MAP3K19: variants seen among roughly 807,000 people sequenced by gnomAD.
The protein encoded by MAP3K19 is mitogen-activated protein kinase kinase kinase 19, also known as SPS1/STE20-related protein kinase YSK4.
In MAP3K19, 91 loss-of-function variants were observed where a neutral mutation model predicts 114.4. That is an observed-to-expected ratio of 0.80 (90% CI 0.67 to 0.95). The LOEUF (loss-of-function observed/expected upper bound fraction) is 0.95, where lower values mean the gene tolerates loss of function less well. Among genes scored for constraint, MAP3K19 ranks in the 40% least tolerant of loss-of-function variants. The pLI is 0.00. For missense variants in MAP3K19, 1,471 were observed against 1,573.2 expected, an observed-to-expected ratio of 0.94 and a Z score of 1.10; for synonymous variants, 518 against 530.5, an observed-to-expected ratio of 0.98 and a Z score of 0.32.
intron 12 of MAP3K19, among the ~76,000 whole-genome samples, chr2:134,974,662 A>T (rs1219324686): frequency 2.0e-5 from 3 of 152,168 alleles, no homozygotes; most frequent in African/African-American, 7.2e-5. Context: ...ATAGTTTCCT[A>T]CATGTCATGT....
At chr2:135,038,259 G>A (rs1041516502) in intron 2 of MAP3K19, among the ~76,000 whole-genome samples, 1 of 151,676 alleles carries the variant, frequency 6.6e-6, no homozygotes, top group African/African-American at 2.4e-5. Flanking sequence ...ATAAATTGTG[G>A]CATATATATA....
At chr2:134,970,314 T>G (rs533651804) in intron 12 of MAP3K19, among the ~76,000 whole-genome samples, 6 of 152,256 alleles carry the variant, frequency 3.9e-5, no homozygotes, top group African/African-American at 1.4e-4. Flanking sequence ...CTTGTAGAGG[T>G]CTTTCACCTC....
intron 12 of MAP3K19, among the ~76,000 whole-genome samples, chr2:134,970,992 G>C (rs1683839122): frequency 6.6e-6 from 1 of 152,132 alleles, no homozygotes; most frequent in Non-Finnish European, 1.5e-5. Flanking sequence ...TCCTTCTCTT[G>C]TTCCAGTTCT....
intron 10 of MAP3K19, among the ~76,000 whole-genome samples, chr2:134,984,400 T>C (rs1684941884): frequency 6.6e-6 from 1 of 152,130 alleles, no homozygotes; most frequent in Non-Finnish European, 1.5e-5. Flanking sequence ...ATCATATATA[T>C]ACATACACAT....
chr2:135,017,382 G>A (rs1687649467), intron 5 of MAP3K19, among the ~76,000 whole-genome samples: 1 of 152,192 alleles, frequency 6.6e-6, no homozygotes, highest in African/African-American at 2.4e-5. Flanking sequence ...AGGTGGGGAA[G>A]GAGGATGGAT....
chr2:135,024,356 C>T (rs149156679), intron 4 of MAP3K19, among the ~76,000 whole-genome samples: 2 of 128,364 alleles, frequency 1.6e-5, no homozygotes, highest in East Asian at 4.7e-4. Flanking sequence ...ATAAGTCCCT[C>T]TTCCCCTTTC....
At chr2:135,029,383 T>C (rs563916558) in intron 3 of MAP3K19, among the ~76,000 whole-genome samples, 17 of 151,810 alleles carry the variant, frequency 1.1e-4, no homozygotes, top group East Asian at 1.9e-4. Context: ...AAAAAACAAA[T>C]AAACAAACAA....
chr2:135,040,443 T>C lies in MAP3K19; in HGVS notation c.-364A>G, dbSNP rs1486897875. 2 of 152,638 alleles carry C rather than the reference T, an allele frequency of 1.3e-5. No individual in the cohort carries two copies. The highest frequency in any genetic ancestry group is 2.9e-5 in the Non-Finnish European group (2 of 68,042). 9.5% of individuals were successfully genotyped at this position (152,638 alleles called of 1,614,324 possible). On this transcript the variant is annotated 5_prime_UTR_variant, in exon 2 of 13. Transcript: ENST00000392915. ...TGCTGAAAGTCAAGGTTTCCGAGGA[T>C]GGATTGGACTTCGGTAATATAGTCA...
intron 9 of MAP3K19, among the ~76,000 whole-genome samples, chr2:134,991,073 G>A (rs1355400987): frequency 1.3e-5 from 2 of 151,818 alleles, no homozygotes; most frequent in East Asian, 2.0e-4. Flanking sequence ...AGGCCGAGGC[G>A]GGCGGATCAC....
rs748532897 is a variant in MAP3K19 at position 135,005,501 on chromosome 2, A to G, written c.169T>C (p.Ser57Pro). ...TCTTCTTCTTCATTAACCAGTGTGG[A>G]ATGACTGCAGTCACCATCTTGGTCG... is the stretch of plus-strand genomic sequence containing the variant. ...EFDQDGDCSH[S>P]TLVNEEEDPS... is the part of the protein sequence containing the mutation. The change falls in exon 6 of 13, where the codon TCC (serine) becomes CCC (proline). Residue 57 changes from serine (S) to proline (P), a missense_variant. Physicochemically the swap from Ser to Pro is moderately conservative, Grantham distance 74 (BLOSUM62 -1). Coordinates refer to ENST00000392915, the MANE Select transcript of MAP3K19 (RefSeq NM_025052.5). 8.1e-6 allele frequency: 13 copies of G among 1,614,028 alleles called. No individual in the cohort carries two copies. Among genetic ancestry groups the G allele is most frequent in the Non-Finnish European group, 1.1e-5 (13 of 1,179,998 alleles).
rs1319473383 is a variant in MAP3K19 at position 134,986,832 on chromosome 2, A to C, written c.2040T>G (p.Asp680Glu). The change falls in exon 10 of 13, where the codon GAT becomes GAG. Residue 680 changes from aspartate to glutamate, a missense_variant. Transcript: ENST00000392915. Reference sequence around the variant, plus strand: ...ATATCTCACGGTAATACGTGTTTTCATCCCTTTCAGTCTCTCGCACATGAC... The same window carrying C: ...ATATCTCACGGTAATACGTGTTTTCCTCCCTTTCAGTCTCTCGCACATGAC... ...VYCHVRETER[D>E]ENTYYREICS... 9.9e-6 allele frequency: 16 copies of C among 1,614,136 alleles called. No homozygotes were observed. Among genetic ancestry groups the C allele is most frequent in the Non-Finnish European group, 1.3e-5 (15 of 1,180,036 alleles).
chr2:134,982,571 A>G (rs1684783159), intron 11 of MAP3K19, among the ~76,000 whole-genome samples: 1 of 151,798 alleles, frequency 6.6e-6, no homozygotes, highest in Admixed American at 6.6e-5. Context: ...TCTAGTCTCG[A>G]ACTCCTGACC....
At position 134,981,054 on chromosome 2, in the gene MAP3K19, C is replaced by T. The variant is rs765280675; in HGVS notation, c.3687G>A (p.Gly1229=). Residue 1229 remains glycine, a synonymous_variant, in exon 12 of 13, where the codon GGG becomes GGA. Transcript: ENST00000392915. ...CTTCTGGGGCCATCCAATATGGAGT[C>T]CCATGCATGGACTTAAGCATGTCAC... ...THSDMLKSMH[G]TPYWMAPEVI... The T allele has an allele frequency of 6.2e-7, 1 of 1,614,200 alleles. No homozygotes were observed. Among genetic ancestry groups the T allele is most frequent in the Non-Finnish European group, 8.5e-7 (1 of 1,180,026 alleles).
At chr2:134,989,916 T>C (rs547213065) in intron 9 of MAP3K19, among the ~76,000 whole-genome samples, 2 of 152,106 alleles carry the variant, frequency 1.3e-5, no homozygotes, top group Admixed American at 1.3e-4. Context: ...ACCCCATCTC[T>C]ACTAAAAATA....
In MAP3K19 at chr2:134,986,417, T is replaced by G; in HGVS notation, c.2455A>C (p.Thr819Pro). 1 of 1,613,956 alleles carries G rather than the reference T, an allele frequency of 6.2e-7. No homozygotes were observed. Among genetic ancestry groups the G allele is most frequent in the Non-Finnish European group, 8.5e-7 (1 of 1,180,024 alleles). The change falls in exon 10 of 13, where the codon ACT becomes CCT. Residue 819 changes from threonine to proline, a missense_variant. Physicochemically the swap from Thr to Pro is conservative, Grantham distance 38. Coordinates refer to ENST00000392915, the MANE Select transcript of MAP3K19 (RefSeq NM_025052.5). ...TTGTTAGAAATGTCTCTATCACCAG[T>G]AGACTCTTCCATAGAAACTTCTTCA... ...IVEEVSMEES[T>P]GDRDISNNQI...
chr2:134,988,254 C>A lies in MAP3K19; in HGVS notation c.619-1G>T, dbSNP rs1042590140. ...AGAGTGACAGTGGTGGCAGAAGGAA[C>A]TAAAAGGAAGACAGAAAAAGCTGTG... is the stretch of plus-strand genomic sequence containing the variant. On this transcript the variant is annotated splice_acceptor_variant, in intron 9 of 12. Transcript: ENST00000392915. LOFTEE classifies it high-confidence loss of function. 2 of 1,542,830 alleles carry A rather than the reference C, an allele frequency of 1.3e-6. No homozygotes were observed. The highest frequency in any genetic ancestry group is 1.7e-6 in the Non-Finnish European group (2 of 1,154,470).
At chr2:135,036,415 G>C (rs1436284288) in intron 2 of MAP3K19, among the ~76,000 whole-genome samples, 1 of 152,180 alleles carries the variant, frequency 6.6e-6, no homozygotes, top group Non-Finnish European at 1.5e-5. Context: ...TTTTATGAAT[G>C]AGTGAATGAG....
At chr2:134,989,945 G>A (rs1685439563) in intron 9 of MAP3K19, among the ~76,000 whole-genome samples, 1 of 152,056 alleles carries the variant, frequency 6.6e-6, no homozygotes, top group Non-Finnish European at 1.5e-5. Flanking sequence ...AGCTGGGTGT[G>A]GTGGCAGGTG....
intron 5 of MAP3K19, among the ~76,000 whole-genome samples, chr2:135,014,677 A>G (rs934670408): frequency 6.6e-6 from 1 of 152,260 alleles, no homozygotes; most frequent in Non-Finnish European, 1.5e-5. Context: ...CAAATAAAAG[A>G]ACACTACCAA....
Sources: allele counts gnomAD v4.1 joint callset (sites outside exome capture counted in the v4.1 genomes callset), GRCh38; gene constraint gnomAD v4.1.1; transcripts MANE v1.5; gene names NCBI Gene and HGNC (gene_info 2026-07-23, HGNC 2026-07-21).